SNX2: variants seen among roughly 807,000 people sequenced by gnomAD.
The protein encoded by SNX2 is sorting nexin 2, also known as sorting nexin-2.
In SNX2, 25 loss-of-function variants were observed where a neutral mutation model predicts 69.9. The observed-to-expected ratio is 0.36, with a 90% CI of 0.26 to 0.50. SNX2 has a LOEUF of 0.50. Among genes scored for constraint, SNX2 ranks in the 20% least tolerant of loss-of-function variants. The pLI, the probability that SNX2 is intolerant of heterozygous loss-of-function variation, is 0.97. For missense variants in SNX2, 551 were observed against 613.3 expected (o/e 0.90, Z 1.07); for synonymous variants, 229 against 200.4 (o/e 1.14, Z -1.20).
At chr5:122,824,230 A>G (rs1754100564) in intron 11 of SNX2, among the ~76,000 whole-genome samples, 2 of 151,838 alleles carry the variant, frequency 1.3e-5, no homozygotes, top group South Asian at 4.2e-4. Flanking sequence ...GAAAATTGTA[A>G]AAAACACTGA....
In SNX2 at chr5:122,823,090, T is replaced by TTG. The variant is rs562207015; in HGVS notation, c.1213-2959_1213-2958dup. ...GCAATCTTGTCTAACTGAGAGCAGCTTGCATACAAATGTATGCCATAAATT... is the reference window on the plus strand; with the variant it reads ...GCAATCTTGTCTAACTGAGAGCAGCTTGTGCATACAAATGTATGCCATAAATT... On this transcript the variant is annotated intron_variant, in intron 11 of 14. Transcript: ENST00000379516. 2.0e-5 allele frequency among the ~76,000 whole-genome samples: 3 copies of TTG among 152,314 alleles called. No homozygotes were observed. In the South Asian group the frequency reaches 6.2e-4, roughly 32 times the overall value.
chr5:122,807,538 A>G (rs1753685714), intron 6 of SNX2, among the ~76,000 whole-genome samples: 2 of 152,202 alleles, frequency 1.3e-5, no homozygotes, highest in South Asian at 4.1e-4. Context: ...TCCACTTAGC[A>G]TCATATGTTC....
At chr5:122,813,541 G>T (rs1753828111) in intron 7 of SNX2, among the ~76,000 whole-genome samples, 1 of 151,732 alleles carries the variant, frequency 6.6e-6, no homozygotes, top group Non-Finnish European at 1.5e-5. Context: ...GTTAAACTAG[G>T]GTTATTTTCT....
At chr5:122,808,550 T>A in intron 7 of SNX2, 195 bp downstream of exon 7, 1 of 440,386 alleles carries the variant, frequency 2.3e-6, no homozygotes, top group Admixed American at 4.0e-5. Flanking sequence ...TTCTGTATAA[T>A]TTTTAGTAAT....
At chr5:122,824,826 G>C (rs1474903557) in intron 11 of SNX2, among the ~76,000 whole-genome samples, 1 of 152,092 alleles carries the variant, frequency 6.6e-6, no homozygotes, top group Non-Finnish European at 1.5e-5. Flanking sequence ...ATGTTATTTA[G>C]AAGTAATCCA....
chr5:122,776,405 C>G (rs1752857851), intron 1 of SNX2, among the ~76,000 whole-genome samples: 1 of 152,036 alleles, frequency 6.6e-6, no homozygotes, highest in African/African-American at 2.4e-5. Context: ...ATCTTTGTGT[C>G]TCTCACAAAA....
rs754096951 is a variant in SNX2 at position 122,817,285 on chromosome 5, T to G, written c.918T>G (p.Phe306Leu). The change falls in exon 10 of 15, where the codon TTT becomes TTG. Residue 306 changes from phenylalanine (F) to leucine (L), a missense_variant. By Grantham distance (22) the Phe-to-Leu change is conservative. This residue lies in a region of SNX2 where 360 missense variants were observed against 450.4 expected (regional missense o/e 0.80). Coordinates refer to ENST00000379516, the MANE Select transcript of SNX2 (RefSeq NM_003100.4). Reference sequence around the variant, plus strand: ...ATTTTTCATTTTTTTCTTAGTGGTTTGAAGAAAAGCAGCAGCAATTTGAGA... The same window carrying G: ...ATTTTTCATTTTTTTCTTAGTGGTTGGAAGAAAAGCAGCAGCAATTTGAGA... ...TIKMNESDAWFEEKQQQFENL... is the reference protein window; with the variant it reads ...TIKMNESDAWLEEKQQQFENL... 1.9e-6 allele frequency: 3 copies of G among 1,613,604 alleles called. No homozygotes were observed.
intron 1 of SNX2, 23 bp from the exon 2 acceptor site, chr5:122,795,243 C>G (rs757454421): frequency 3.5e-6 from 5 of 1,446,156 alleles, no homozygotes; most frequent in East Asian, 2.3e-5. Context: ...AATCCATTAC[C>G]TATTATTGTT....
intron 7 of SNX2, among the ~76,000 whole-genome samples, chr5:122,814,391 T>G (rs2150013451): frequency 6.6e-6 from 1 of 152,344 alleles, no homozygotes; most frequent in Non-Finnish European, 1.5e-5. Context: ...CCAGCATAGA[T>G]TGTATCGAAG....
chr5:122,791,870 TA>T (rs1469337241), intron 1 of SNX2, among the ~76,000 whole-genome samples: 1 of 152,258 alleles, frequency 6.6e-6, no homozygotes, highest in Non-Finnish European at 1.5e-5. Flanking sequence ...CAAGATGAGA[TA>T]CTCTTCCTTT....
At chr5:122,828,271 T>C (rs10519714) in intron 14 of SNX2, among the ~76,000 whole-genome samples, 1,899 of 152,292 alleles carry the variant, frequency 0.012, 42 homozygotes, top group African/African-American at 0.044. Context: ...AGAATGTCAT[T>C]TGTGTAAAAC....
chr5:122,823,735 TGTC>T (rs1383641429), intron 11 of SNX2, among the ~76,000 whole-genome samples: 8 of 142,706 alleles, frequency 5.6e-5, no homozygotes, highest in Admixed American at 4.9e-4. Flanking sequence ...TGTGTGTGTG[TGTC>T]GGAAGTGAGA....
intron 1 of SNX2, among the ~76,000 whole-genome samples, chr5:122,776,055 C>T (rs974188553): frequency 6.6e-6 from 1 of 152,114 alleles, no homozygotes; most frequent in African/African-American, 2.4e-5. Flanking sequence ...ATTTGAATTG[C>T]TTTGCGTTTG....
At position 122,831,709 on chromosome 5, in the gene SNX2, T is replaced by C. The variant is rs1430418634; in HGVS notation, c.*2061T>C. Among the ~76,000 whole-genome samples, 1 of 152,236 alleles carries C rather than the reference T, an allele frequency of 6.6e-6. No homozygotes were observed. The highest frequency in any genetic ancestry group is 2.4e-5 in the African/African-American group (1 of 41,476). On this transcript the variant is annotated 3_prime_UTR_variant, in exon 15 of 15. Coordinates refer to ENST00000379516, the MANE Select transcript of SNX2 (RefSeq NM_003100.4). ...GAATAGTTTCACTATAATGATGTCC[T>C]AGTGTTATATCCACAGGTATATTAC... is the stretch of plus-strand genomic sequence containing the variant.
At chr5:122,803,897 G>C (rs142566809) in intron 6 of SNX2, 3,344 of 217,086 alleles carry the variant, frequency 0.015, 26 homozygotes, top group Non-Finnish European at 0.019. Context: ...CCAGCACTTA[G>C]GGAGGCCAGG....
chr5:122,803,715 A>G, intron 6 of SNX2, 102 bp downstream of exon 6: 1 of 845,602 alleles, frequency 1.2e-6, no homozygotes, highest in Non-Finnish European at 1.8e-6. Flanking sequence ...TCAACATTTT[A>G]TAATGTGTAG....
intron 11 of SNX2, among the ~76,000 whole-genome samples, chr5:122,819,815 A>C (rs924927701): frequency 4.6e-5 from 7 of 152,050 alleles, no homozygotes; most frequent in Non-Finnish European, 1.5e-5. Context: ...TCTTATGCAA[A>C]ATTTTTTCAG....
chr5:122,822,916 C>T (rs1164367716), intron 11 of SNX2, among the ~76,000 whole-genome samples: 1 of 152,152 alleles, frequency 6.6e-6, no homozygotes, highest in African/African-American at 2.4e-5. Context: ...GGTTTAAACG[C>T]TTTATTCTTT....
intron 11 of SNX2, among the ~76,000 whole-genome samples, chr5:122,819,986 C>T (rs1434138021): frequency 6.6e-6 from 1 of 151,956 alleles, no homozygotes; most frequent in African/African-American, 2.4e-5. Flanking sequence ...TGTATTTTAC[C>T]GTTTTAAATG....
Sources: gnomAD v4.1 joint callset for allele counts (sites outside exome capture counted in the v4.1 genomes callset) on GRCh38, gnomAD v4.1.1 for gene constraint, gnomAD v4.1.1 regional missense constraint, MANE v1.5 for transcripts, NCBI Gene and HGNC (gene_info 2026-07-23, HGNC 2026-07-21) for gene names.